WDPCP: variants seen among roughly 807,000 people sequenced by gnomAD.
WDPCP encodes WD repeat-containing and planar cell polarity effector protein fritz homolog.
A neutral mutation model predicts 93.1 loss-of-function variants in WDPCP; 71 were observed. The ratio of observed to expected loss-of-function variants is 0.76; its 90% confidence interval spans 0.63 to 0.93. The LOEUF (loss-of-function observed/expected upper bound fraction) is 0.93, where lower values mean the gene tolerates loss of function less well. Ranked by LOEUF, WDPCP falls within the 40% of genes least tolerant of loss-of-function variation. The pLI, the probability that WDPCP is intolerant of heterozygous loss-of-function variation, is 0.00. For synonymous variants in WDPCP, 315 were observed against 315.0 expected (o/e 1.00, Z 0.00); for missense variants, 844 against 887.4 (o/e 0.95, Z 0.62).
chr2:63,703,813 G>A (rs1669101977), intron 2 of WDPCP, among the ~76,000 whole-genome samples: 1 of 152,294 alleles, frequency 6.6e-6, no homozygotes, highest in Admixed American at 6.5e-5. Flanking sequence ...GAACATTAAA[G>A]TAGTTTTTTC....
At chr2:63,660,936 C>G (rs775089965) in intron 2 of WDPCP, among the ~76,000 whole-genome samples, 3 of 152,142 alleles carry the variant, frequency 2.0e-5, no homozygotes, top group Non-Finnish European at 4.4e-5. Flanking sequence ...TAAAATTTAA[C>G]TCCATTTAGT....
chr2:63,342,426 A>T (rs1003908842), intron 12 of WDPCP, among the ~76,000 whole-genome samples: 4 of 152,194 alleles, frequency 2.6e-5, no homozygotes, highest in Non-Finnish European at 5.9e-5. Flanking sequence ...TCTTCCATAA[A>T]TCATATGTGT....
intron 3 of WDPCP, 36 bp from the exon 4 acceptor site, chr2:63,486,622 C>T: frequency 6.5e-7 from 1 of 1,532,448 alleles, no homozygotes; most frequent in Non-Finnish European, 8.9e-7. Flanking sequence ...AAGAAAAAAA[C>T]AAAAGTAGAA....
At chr2:63,135,088 A>C (rs898522222) in intron 17 of WDPCP, among the ~76,000 whole-genome samples, 1 of 152,118 alleles carries the variant, frequency 6.6e-6, no homozygotes, top group Non-Finnish European at 1.5e-5. Flanking sequence ...GCACCACTGC[A>C]CTCCAGCCTG....
intron 3 of WDPCP, among the ~76,000 whole-genome samples, chr2:63,607,541 AAG>A (rs1240527130): frequency 6.6e-6 from 1 of 151,534 alleles, no homozygotes; most frequent in Admixed American, 6.6e-5. Context: ...TCTCAAAAAA[AAG>A]AAGAGGACTG....
intron 2 of WDPCP, among the ~76,000 whole-genome samples, chr2:63,757,875 C>A (rs1259842574): frequency 6.6e-6 from 1 of 152,196 alleles, no homozygotes; most frequent in African/African-American, 2.4e-5. Flanking sequence ...CTAAGTTGAA[C>A]AGAGACCTCC....
At chr2:63,273,681 T>C (rs532978587) in intron 13 of WDPCP, among the ~76,000 whole-genome samples, 4 of 152,248 alleles carry the variant, frequency 2.6e-5, no homozygotes, top group African/African-American at 9.6e-5. Flanking sequence ...TAACTATATT[T>C]ATATCAGGTA....
intron 6 of WDPCP, among the ~76,000 whole-genome samples, chr2:63,483,326 G>C (rs1700379553): frequency 6.6e-6 from 1 of 151,946 alleles, no homozygotes; most frequent in Non-Finnish European, 1.5e-5. Context: ...TTTAAAGTCT[G>C]ATTGAAATGT....
intron 14 of WDPCP, among the ~76,000 whole-genome samples, chr2:63,249,649 G>C (rs987352255): frequency 1.3e-5 from 2 of 152,120 alleles, no homozygotes; most frequent in Non-Finnish European, 2.9e-5. Flanking sequence ...AGGACAAAGA[G>C]CTTCCTATTC....
At chr2:63,124,427 A>G (rs553831286) in intron 17 of WDPCP, among the ~76,000 whole-genome samples, 2 of 152,232 alleles carry the variant, frequency 1.3e-5, no homozygotes, top group East Asian at 3.9e-4. Context: ...CATGTGGTTA[A>G]GTGCATTTTC....
chr2:63,412,698 T>G (rs1315079963), intron 9 of WDPCP, among the ~76,000 whole-genome samples: 2 of 151,866 alleles, frequency 1.3e-5, no homozygotes, highest in Admixed American at 6.6e-5. Flanking sequence ...TATACAAGAT[T>G]AATGTACACA....
At chr2:63,273,825 A>G (rs894529481) in intron 13 of WDPCP, among the ~76,000 whole-genome samples, 9 of 144,940 alleles carry the variant, frequency 6.2e-5, no homozygotes, top group Non-Finnish European at 1.1e-4. Flanking sequence ...ACACACACAC[A>G]CGCACACACA....
intron 1 of WDPCP, among the ~76,000 whole-genome samples, chr2:63,535,020 A>G (rs1411049762): frequency 6.6e-5 from 10 of 152,248 alleles, no homozygotes; most frequent in Non-Finnish European, 1.3e-4. Context: ...AAGTCTCAGG[A>G]TACAAAATCA....
chr2:63,562,319 T>C (rs1047598360), intron 1 of WDPCP, among the ~76,000 whole-genome samples: 3 of 151,974 alleles, frequency 2.0e-5, no homozygotes, highest in African/African-American at 7.3e-5. Flanking sequence ...AGCTGAACAA[T>C]GAGAACACAT....
intron 2 of WDPCP, among the ~76,000 whole-genome samples, chr2:63,488,310 C>T (rs1173064980): frequency 1.3e-5 from 2 of 152,004 alleles, no homozygotes; most frequent in Non-Finnish European, 2.9e-5. Flanking sequence ...CAGGCTGCCC[C>T]CTAGTGACTG....
At chr2:63,235,325 A>G (rs999051746) in intron 14 of WDPCP, among the ~76,000 whole-genome samples, 4 of 152,180 alleles carry the variant, frequency 2.6e-5, no homozygotes, top group Non-Finnish European at 4.4e-5. Context: ...AGAACAGTAA[A>G]CAACAAGTTG....
At chr2:63,123,029 C>A (rs1669656344) in intron 17 of WDPCP, among the ~76,000 whole-genome samples, 1 of 146,236 alleles carries the variant, frequency 6.8e-6, no homozygotes, top group Non-Finnish European at 1.5e-5. Flanking sequence ...GCCTGTAGAC[C>A]TTGATGTACA....
At chr2:63,804,123 T>C (rs1473314228) in intron 2 of WDPCP, among the ~76,000 whole-genome samples, 1 of 152,196 alleles carries the variant, frequency 6.6e-6, no homozygotes, top group African/African-American at 2.4e-5. Context: ...GGCTGAATTA[T>C]TCCCTTCGTA....
rs139848540 is a variant in WDPCP at position 63,697,327 on chromosome 2, G to A, written n.309-46489C>T. Among the ~76,000 whole-genome samples the A allele has an allele frequency of 2.4e-4, 37 of 152,250 alleles. No homozygotes were observed. The East Asian group carries it at 6.6e-3, about 27-fold the overall frequency. On this transcript the variant is annotated intron_variant and non_coding_transcript_variant, in intron 2 of 4. Transcript: ENST00000467687. ...AGAAATTATTTCAGTTAAAGGACAC[G>A]CCCAAGGGTCACACGGTAAGTGATG...
Sources: gnomAD v4.1 joint callset for allele counts (sites outside exome capture counted in the v4.1 genomes callset) on GRCh38, gnomAD v4.1.1 for gene constraint, MANE v1.5 for transcripts, NCBI Gene and HGNC (gene_info 2026-07-23, HGNC 2026-07-21) for gene names.